CFI: variants seen among roughly 807,000 people sequenced by gnomAD.
The protein encoded by CFI is C3B/C4B inactivator.
CFI carries 66 observed loss-of-function variants against 78.8 expected under a neutral mutation model. The observed-to-expected ratio is 0.84, with a 90% CI of 0.69 to 1.03. The LOEUF (loss-of-function observed/expected upper bound fraction) is 1.03. Among genes scored for constraint, CFI ranks in the 50% least tolerant of loss-of-function variants. CFI has a pLI of 0.00. For missense variants in CFI, 706 were observed against 704.5 expected, an observed-to-expected ratio of 1.00 and a Z score of -0.02; for synonymous variants, 250 against 232.6, an observed-to-expected ratio of 1.07 and a Z score of -0.68.
At position 109,761,531 on chromosome 4, in the gene CFI, T is replaced by C. The variant is rs1718156654; in HGVS notation, c.644A>G (p.Tyr215Cys). The change falls in exon 4 of 13, where the codon TAT becomes TGT. Residue 215 changes from tyrosine (Y) to cysteine (C), a missense_variant. By Grantham distance (194) the Tyr-to-Cys change is radical. Coordinates refer to ENST00000394634, the MANE Select transcript of CFI (RefSeq NM_000204.5). Reference sequence around the variant, plus strand: ...ACTCCACCAACCTGCTTTCTGTGTATAACAAACCACATCAGCGAAATCCTG... The same window carrying C: ...ACTCCACCAACCTGCTTTCTGTGTACAACAAACCACATCAGCGAAATCCTG... ...GYQDFADVVC[Y>C]TQKADSPMDD... 2 of 1,614,140 alleles carry C rather than the reference T, an allele frequency of 1.2e-6. No individual in the cohort carries two copies. Among genetic ancestry groups the C allele is most frequent in the Non-Finnish European group, 1.7e-6 (2 of 1,180,008 alleles).
the CFI span, among the ~76,000 whole-genome samples, chr4:109,733,377 C>T: frequency 3.2e-4 from 48 of 152,342 alleles, no homozygotes; most frequent in African/African-American, 1.1e-3. Context: ...ATCTAACCAG[C>T]AAAACCTGTT....
intron 6 of CFI, 105 bp downstream of exon 6, chr4:109,760,165 C>T (rs1213774036): frequency 7.6e-6 from 6 of 784,768 alleles, no homozygotes; most frequent in African/African-American, 3.4e-5. Flanking sequence ...GTTCTTACTG[C>T]TACACCCATC....
chr4:109,780,800 T>C (rs1374281718), intron 1 of CFI, among the ~76,000 whole-genome samples: 3 of 152,192 alleles, frequency 2.0e-5, no homozygotes, highest in Non-Finnish European at 2.9e-5. Flanking sequence ...ATATACACCA[T>C]GGAATACTAT....
In CFI at chr4:109,749,210, T is replaced by G. The variant is rs373552593; in HGVS notation, c.1148+8A>C. ...GGAAATCTAAAATTTACTGAAGACA[T>G]CTTTTACCTGAGACAATGTGCAGCA... On this transcript the variant is annotated splice_region_variant and intron_variant, in intron 10 of 12. Transcript: ENST00000394634. The G allele has an allele frequency of 1.2e-6, 2 of 1,609,304 alleles. No individual in the cohort carries two copies. The highest frequency in any genetic ancestry group is 1.6e-4 in the Middle Eastern group (1 of 6,068).
downstream of CFI, among the ~76,000 whole-genome samples, chr4:109,738,862 C>G (rs767394946): frequency 3.6e-4 from 55 of 152,320 alleles, no homozygotes; most frequent in Non-Finnish European, 7.1e-4. Context: ...GGAAGGGGAA[C>G]TTCCCAGCAA....
chr4:109,768,334 TAAA>T (rs756365540), intron 1 of CFI, among the ~76,000 whole-genome samples: 54 of 63,178 alleles, frequency 8.5e-4, no homozygotes, highest in African/African-American at 3.4e-3. Flanking sequence ...GAAGAAATCC[TAAA>T]AAAAAAAAAA....
intron 7 of CFI, among the ~76,000 whole-genome samples, chr4:109,752,917 TA>T (rs1443980480): frequency 1.6e-5 from 2 of 126,974 alleles, no homozygotes; most frequent in African/African-American, 2.9e-5. Flanking sequence ...TAAATATTTA[TA>T]ATATATATTT....
In CFI at chr4:109,756,893, G is replaced by C. The variant is rs532323226; in HGVS notation, c.904+870C>G. 1.3e-3 allele frequency among the ~76,000 whole-genome samples: 18 copies of C among 13,774 alleles called. No homozygotes were observed. In the East Asian group the frequency reaches 0.023, roughly 17 times the overall value. 9.0% of individuals were successfully genotyped at this position (13,774 alleles called of 152,430 possible). A position where few individuals can be genotyped will look rare whatever the true frequency, so the allele number is the denominator to read the frequency against. On this transcript the variant is annotated intron_variant, in intron 7 of 12. Transcript: ENST00000394634. ...TCTCGAAAGAAAGAAAGAAAGGAAA[G>C]AAAGAAAGAAAGAAAGAAAGAAAGA...
At chr4:109,778,953 C>T (rs1001883170) in intron 1 of CFI, among the ~76,000 whole-genome samples, 2 of 152,110 alleles carry the variant, frequency 1.3e-5, no homozygotes, top group Admixed American at 6.6e-5. Flanking sequence ...TAAAAACTCT[C>T]AATAAACTAG....
the CFI span, among the ~76,000 whole-genome samples, chr4:109,733,272 C>T: frequency 6.6e-6 from 1 of 152,194 alleles, no homozygotes; most frequent in African/African-American, 2.4e-5. Context: ...GTGCCCAGCT[C>T]ATCTCACGTA....
Position 109,757,860 on chromosome 4 carries a change from A to G in CFI, c.884-77T>C, listed in dbSNP as rs556359365. ...TGCACACTATAGCAATATACTATAC[A>G]TATATCATGAAAACCATTGCACCTT... On this transcript the variant is annotated intron_variant, in intron 6 of 12. Coordinates refer to ENST00000394634, the MANE Select transcript of CFI (RefSeq NM_000204.5). The G allele has an allele frequency of 1.9e-4, 240 of 1,280,034 alleles. 1 individual carries two copies. In the African/African-American group the frequency reaches 3.1e-3, roughly 16 times the overall value. The allele number at this position is 1,280,034 out of a possible 1,614,324, so 79.3% of individuals were successfully genotyped here. A position where few individuals can be genotyped will look rare whatever the true frequency, so the allele number is the denominator to read the frequency against.
intron 3 of CFI, chr4:109,762,720 C>T (rs1727244237): frequency 6.6e-6 from 1 of 152,164 alleles, no homozygotes; most frequent in Non-Finnish European, 1.5e-5. Flanking sequence ...TGAGAACAAA[C>T]AAGAGCCATT....
chr4:109,781,819 G>A (rs112049445), intron 1 of CFI, among the ~76,000 whole-genome samples: 13,345 of 152,080 alleles, frequency 0.088, 1,238 homozygotes, highest in African/African-American at 0.23. Flanking sequence ...CCATGATCAA[G>A]TAGGCTTCAT....
At chr4:109,787,147 T>G (rs72674890) in intron 1 of CFI, among the ~76,000 whole-genome samples, 36,003 of 151,976 alleles carry the variant, frequency 0.24, 4,917 homozygotes, top group Admixed American at 0.36. Flanking sequence ...TATGTAGTGC[T>G]TTTATTATTA....
chr4:109,752,521 A>T lies in CFI; in HGVS notation c.905-18T>A. ...TGTTTCTTCTATGATAAAACAAAAG[A>T]TTCCAATGTTTAAAGTTGTTAATTA... On this transcript the variant is annotated intron_variant, in intron 7 of 12. Transcript: ENST00000394634. 3 of 1,603,682 alleles carry T rather than the reference A, an allele frequency of 1.9e-6. No individual in the cohort carries two copies. The highest frequency in any genetic ancestry group is 2.6e-6 in the Non-Finnish European group (3 of 1,170,864).
the CFI span, among the ~76,000 whole-genome samples, chr4:109,734,781 G>A: frequency 2.0e-5 from 3 of 152,090 alleles, no homozygotes; most frequent in African/African-American, 7.2e-5. Context: ...TCCAGCCTGG[G>A]CAACAGAGCA....
intron 1 of CFI, among the ~76,000 whole-genome samples, chr4:109,777,893 A>T (rs1434089942): frequency 6.6e-6 from 1 of 152,196 alleles, no homozygotes; most frequent in Non-Finnish European, 1.5e-5. Flanking sequence ...CTGGGTACAT[A>T]ACGAAATGAA....
At chr4:109,754,769 A>G (rs573650590) in intron 7 of CFI, among the ~76,000 whole-genome samples, 1 of 152,310 alleles carries the variant, frequency 6.6e-6, no homozygotes, top group African/African-American at 2.4e-5. Flanking sequence ...CACGCTTGTG[A>G]ATCAGAGAAG....
chr4:109,764,749 TA>T, intron 2 of CFI, 59 bp from the exon 3 acceptor site: 1 of 1,441,594 alleles, frequency 6.9e-7, no homozygotes, highest in Non-Finnish European at 9.5e-7. Context: ...TTCTCTTAAT[TA>T]AAAGTCTTTA....
Sources: gnomAD v4.1 joint callset for allele counts (sites outside exome capture counted in the v4.1 genomes callset) on GRCh38, gnomAD v4.1.1 for gene constraint, MANE v1.5 for transcripts, NCBI Gene and HGNC (gene_info 2026-07-23, HGNC 2026-07-21) for gene names.